MFSD2B: variants seen among roughly 807,000 people sequenced by gnomAD.
MFSD2B encodes sphingosine-1-phosphate transporter MFSD2B.
MFSD2B carries 56 observed loss-of-function variants against 58.4 expected under a neutral mutation model. That is an observed-to-expected ratio of 0.96 (90% CI 0.77 to 1.20). The LOEUF (loss-of-function observed/expected upper bound fraction) is 1.20, where lower values mean the gene tolerates loss of function less well. Among genes scored for constraint, MFSD2B ranks in the 50% most tolerant of loss-of-function variants. The pLI is 0.00. For missense variants in MFSD2B, 645 were observed against 667.6 expected, an observed-to-expected ratio of 0.97 and a Z score of 0.37; for synonymous variants, 287 against 294.4, an observed-to-expected ratio of 0.97 and a Z score of 0.26.
At chr2:24,010,293 T>A in intron 1 of MFSD2B, 101 bp downstream of exon 1, 3 of 994,390 alleles carry the variant, frequency 3.0e-6, no homozygotes, top group Non-Finnish European at 4.0e-6. Context: ...CCGGAGGGGC[T>A]CGGCCCAAAC....
intron 1 of MFSD2B, chr2:24,013,040 G>A (rs894199231): frequency 1.9e-5 from 7 of 361,644 alleles, no homozygotes; most frequent in African/African-American, 1.2e-4. Context: ...GCTTCAGCAG[G>A]AAGCCCAGGG....
chr2:24,016,905 C>A lies in MFSD2B; in HGVS notation c.408C>A (p.Pro136=), dbSNP rs765536592. 1.9e-6 allele frequency: 3 copies of A among 1,613,912 alleles called. No homozygotes were observed. The highest frequency in any genetic ancestry group is 1.1e-5 in the South Asian group (1 of 91,088). The change falls in exon 4 of 14, where the codon CCC becomes CCA. Residue 136 remains proline, a synonymous_variant. Transcript: ENST00000338315. ...ACTTCTTCCTGTGGTTCCTGCCCCCCTTCACCAGCCTGCGAGGCCTCTGGT... is the reference window on the plus strand; with the variant it reads ...ACTTCTTCCTGTGGTTCCTGCCCCCATTCACCAGCCTGCGAGGCCTCTGGT... ...LAYFFLWFLP[P]FTSLRGLWYT... is the part of the protein sequence containing the mutation.
rs1341037928 is a variant in MFSD2B at position 24,022,378 on chromosome 2, A to G, written c.895-55A>G. 1 of 1,439,802 alleles carries G rather than the reference A, an allele frequency of 6.9e-7. No homozygotes were observed. The highest frequency in any genetic ancestry group is 9.7e-7 in the Non-Finnish European group (1 of 1,034,610). The allele number at this position is 1,439,802 out of a possible 1,614,324, so 89.2% of individuals were successfully genotyped here. The stretch of plus-strand genomic sequence containing the variant: ...ACTCCAGACCCTGTCCTTGCCCTTG[A>G]CTTCTGAGCTCCTGCCATGCCCTGC... On this transcript the variant is annotated intron_variant, in intron 8 of 13. Coordinates refer to ENST00000338315, the MANE Select transcript of MFSD2B (RefSeq NM_001346880.2). The surrounding 1 kb of genome is among the most constrained non-coding windows in gnomAD (Gnocchi z 4.5).
In MFSD2B at chr2:24,021,480, G is replaced by A; in HGVS notation, c.682-168G>A. 1.6e-6 allele frequency: 1 copy of A among 619,206 alleles called. No individual in the cohort carries two copies. Among genetic ancestry groups the A allele is most frequent in the Admixed American group, 2.7e-5 (1 of 36,964 alleles). The allele number at this position is 619,206 out of a possible 1,614,324, so 38.4% of individuals were successfully genotyped here. On this transcript the variant is annotated intron_variant, in intron 6 of 13. Coordinates refer to ENST00000338315, the MANE Select transcript of MFSD2B (RefSeq NM_001346880.2). The surrounding 1 kb of genome is among the most constrained non-coding windows in gnomAD (Gnocchi z 5.7). The stretch of plus-strand genomic sequence containing the variant: ...GTGTGGAAGGACCAGCCCGGGCCCG[G>A]AGAGCATGCTGTCCTGTGGGGTGAT...
chr2:24,023,579 G>A lies in MFSD2B; in HGVS notation c.1170-4G>A, dbSNP rs773573828. On this transcript the variant is annotated splice_polypyrimidine_tract_variant and splice_region_variant and intron_variant, in intron 11 of 13. Coordinates refer to ENST00000338315, the MANE Select transcript of MFSD2B (RefSeq NM_001346880.2). The surrounding 1 kb of genome is among the most constrained non-coding windows in gnomAD (Gnocchi z 5.0). ...GGAGGGCTAACTCCACACCCCCGCC[G>A]CAGGTCCATGCTGCCAGACGTGGTG... is the stretch of plus-strand genomic sequence containing the variant. 161 of 1,612,998 alleles carry A rather than the reference G, an allele frequency of 1.0e-4. No individual in the cohort carries two copies. Among genetic ancestry groups the A allele is most frequent in the Middle Eastern group, 1.7e-4 (1 of 6,048 alleles).
Position 24,017,442 on chromosome 2 carries a change from G to A in MFSD2B, c.551-16G>A. 6.3e-7 allele frequency: 1 copy of A among 1,599,896 alleles called. No individual in the cohort carries two copies. The highest frequency in any genetic ancestry group is 1.1e-5 in the South Asian group (1 of 88,356). The stretch of plus-strand genomic sequence containing the variant: ...CCACTCCCTCTCAGTCACCTTAAGT[G>A]GCACTCTGTCTCCAGGGATGACTGT... On this transcript the variant is annotated splice_polypyrimidine_tract_variant and intron_variant, in intron 5 of 13. Transcript: ENST00000338315. This position sits in a 1 kb window ranked among gnomAD's most constrained non-coding sequence, Gnocchi z 4.8.
In MFSD2B at chr2:24,012,043, G is replaced by A. The variant is rs1394134332; in HGVS notation, c.97-1242G>A. 6.6e-6 allele frequency among the ~76,000 whole-genome samples: 1 copy of A among 152,054 alleles called. No individual in the cohort carries two copies. The highest frequency in any genetic ancestry group is 2.4e-5 in the African/African-American group (1 of 41,414). On this transcript the variant is annotated intron_variant, in intron 1 of 13. Transcript: ENST00000338315. The surrounding 1 kb of genome is among the most constrained non-coding windows in gnomAD (Gnocchi z 4.5). ...CTATTTGAGGTGAGGTGGGTAGGGGGCCGACTGGGTGGACTCCTTAGCCAT... is the reference window on the plus strand; with the variant it reads ...CTATTTGAGGTGAGGTGGGTAGGGGACCGACTGGGTGGACTCCTTAGCCAT...
chr2:24,022,585 G>A lies in MFSD2B; in HGVS notation c.978+69G>A. On this transcript the variant is annotated intron_variant, in intron 9 of 13. Coordinates refer to ENST00000338315, the MANE Select transcript of MFSD2B (RefSeq NM_001346880.2). The surrounding 1 kb of genome is among the most constrained non-coding windows in gnomAD (Gnocchi z 4.5). ...TGAGCTGGGGACATGTGTGGTCCTT[G>A]ATGTGACACATATGGCCAGAGTTCT... 1 of 1,286,546 alleles carries A rather than the reference G, an allele frequency of 7.8e-7. No homozygotes were observed. Among genetic ancestry groups the A allele is most frequent in the South Asian group, 1.3e-5 (1 of 77,284 alleles). 79.7% of individuals were successfully genotyped at this position (1,286,546 alleles called of 1,614,324 possible).
At chr2:24,018,464 C>T (rs1212612483) in intron 6 of MFSD2B, 4 of 182,458 alleles carry the variant, frequency 2.2e-5, no homozygotes, top group Non-Finnish European at 4.7e-5. Flanking sequence ...CCCCAAGATA[C>T]TCTTTGTGGG....
chr2:24,010,131 C>A lies in MFSD2B; in HGVS notation c.35C>A (p.Ser12Tyr). Residue 12 changes from serine (S) to tyrosine (Y), a missense_variant, in exon 1 of 14, where the codon TCC becomes TAC. Ser to Tyr is a moderately radical substitution (Grantham distance 144). Coordinates refer to ENST00000338315, the MANE Select transcript of MFSD2B (RefSeq NM_001346880.2). ...AAPPAPAAKG[S>Y]PQPEPHAPEP... Reference sequence around the variant, plus strand: ...CCCCCTGCACCAGCCGCCAAGGGGTCCCCGCAGCCGGAGCCGCACGCCCCA... The same window carrying A: ...CCCCCTGCACCAGCCGCCAAGGGGTACCCGCAGCCGGAGCCGCACGCCCCA... 6.8e-7 allele frequency: 1 copy of A among 1,462,556 alleles called. No homozygotes were observed. Among genetic ancestry groups the A allele is most frequent in the South Asian group, 1.3e-5 (1 of 74,934 alleles). 90.6% of individuals were successfully genotyped at this position (1,462,556 alleles called of 1,614,324 possible). A position where few individuals can be genotyped will look rare whatever the true frequency, so the allele number is the denominator to read the frequency against.
In MFSD2B at chr2:24,017,600, G is replaced by A; in HGVS notation, c.681+12G>A. 6.5e-7 allele frequency: 1 copy of A among 1,539,540 alleles called. No homozygotes were observed. The highest frequency in any genetic ancestry group is 8.8e-7 in the Non-Finnish European group (1 of 1,140,404). The stretch of plus-strand genomic sequence containing the variant: ...TCTCCCCGAATGCAGTAAGTGCACT[G>A]GGTGGCAAGGCCCCCCAACCTGGGG... On this transcript the variant is annotated intron_variant, in intron 6 of 13. Coordinates refer to ENST00000338315, the MANE Select transcript of MFSD2B (RefSeq NM_001346880.2). This position sits in a 1 kb window ranked among gnomAD's most constrained non-coding sequence, Gnocchi z 4.8.
intron 6 of MFSD2B, among the ~76,000 whole-genome samples, chr2:24,019,789 C>A (rs1472127717): frequency 2.0e-5 from 3 of 152,226 alleles, no homozygotes; most frequent in Non-Finnish European, 4.4e-5. Flanking sequence ...ACTGCCCCAG[C>A]CAGGGGATTG....
In MFSD2B at chr2:24,022,556, G is replaced by C; in HGVS notation, c.978+40G>C. ...GGTGGTGGAGGCTAGGTCACTTGGG[G>C]CCCTGAGCTGGGGACATGTGTGGTC... On this transcript the variant is annotated intron_variant, in intron 9 of 13. Coordinates refer to ENST00000338315, the MANE Select transcript of MFSD2B (RefSeq NM_001346880.2). The surrounding 1 kb of genome is among the most constrained non-coding windows in gnomAD (Gnocchi z 4.5). 1 of 1,513,852 alleles carries C rather than the reference G, an allele frequency of 6.6e-7. No homozygotes were observed. Among genetic ancestry groups the C allele is most frequent in the Non-Finnish European group, 9.1e-7 (1 of 1,104,178 alleles). 93.8% of individuals were successfully genotyped at this position (1,513,852 alleles called of 1,614,324 possible).
rs754290263 is a variant in MFSD2B at position 24,021,767 on chromosome 2, A to C, written c.772+29A>C. 6.8e-6 allele frequency: 11 copies of C among 1,612,908 alleles called. No individual in the cohort carries two copies. The South Asian group carries it at 1.2e-4, about 18-fold the overall frequency. Reference sequence around the variant, plus strand: ...TGGGGTTTGGTGAGGAGGGAAGCAGAAGCTGGGGGCAGGGCTCTGCTTGGG... The same window carrying C: ...TGGGGTTTGGTGAGGAGGGAAGCAGCAGCTGGGGGCAGGGCTCTGCTTGGG... On this transcript the variant is annotated intron_variant, in intron 7 of 13. Coordinates refer to ENST00000338315, the MANE Select transcript of MFSD2B (RefSeq NM_001346880.2). This position sits in a 1 kb window ranked among gnomAD's most constrained non-coding sequence, Gnocchi z 5.7.
At position 24,025,594 on chromosome 2, in the gene MFSD2B, G is replaced by A. The variant is rs971417528; in HGVS notation, c.*138G>A. On this transcript the variant is annotated 3_prime_UTR_variant, in exon 14 of 14. Transcript: ENST00000338315. ...CCTGGGATGTGGAGTCTTCGGCAAC[G>A]TGTCCTGAAGGGACTGGCCCGCACT... 1.4e-5 allele frequency: 11 copies of A among 774,204 alleles called. No individual in the cohort carries two copies. Among genetic ancestry groups the A allele is most frequent in the East Asian group, 2.7e-5 (1 of 37,106 alleles). The allele number at this position is 774,204 out of a possible 1,614,324, so 48.0% of individuals were successfully genotyped here.
At position 24,017,259 on chromosome 2, in the gene MFSD2B, C is replaced by T. The variant is rs745768486; in HGVS notation, c.472-27C>T. The T allele has an allele frequency of 1.3e-5, 20 of 1,567,436 alleles. No homozygotes were observed. Among genetic ancestry groups the T allele is most frequent in the Admixed American group, 5.6e-5 (3 of 53,540 alleles). ...CGCTGTCACCAGGCAAAGCTGGGGGCGGTTCTAAGCTCTGCCGACGCCCCA... is the reference window on the plus strand; with the variant it reads ...CGCTGTCACCAGGCAAAGCTGGGGGTGGTTCTAAGCTCTGCCGACGCCCCA... On this transcript the variant is annotated intron_variant, in intron 4 of 13. Transcript: ENST00000338315. The surrounding 1 kb of genome is among the most constrained non-coding windows in gnomAD (Gnocchi z 4.8).
At chr2:24,019,419 C>T (rs997616395) in intron 6 of MFSD2B, among the ~76,000 whole-genome samples, 1 of 152,046 alleles carries the variant, frequency 6.6e-6, no homozygotes, top group Non-Finnish European at 1.5e-5. Context: ...TGTGGCCCAC[C>T]ACCCATTCAA....
chr2:24,022,459 C>A lies in MFSD2B; in HGVS notation c.921C>A (p.Phe307Leu), dbSNP rs970384931. ...VQVEQSYLVLFCTHASQLHDH... is the reference protein window; with the variant it reads ...VQVEQSYLVLLCTHASQLHDH... ...TGGAGCAGAGCTACCTGGTCCTGTT[C>A]TGTACACATGCCTCCCAGCTACACG... Residue 307 changes from phenylalanine (F) to leucine (L), a missense_variant, in exon 9 of 14, where the codon TTC becomes TTA. Physicochemically the swap from Phe to Leu is conservative, Grantham distance 22 (BLOSUM62 0). Coordinates refer to ENST00000338315, the MANE Select transcript of MFSD2B (RefSeq NM_001346880.2). The surrounding 1 kb of genome is among the most constrained non-coding windows in gnomAD (Gnocchi z 4.5). 6.2e-7 allele frequency: 1 copy of A among 1,613,292 alleles called. No individual in the cohort carries two copies. The highest frequency in any genetic ancestry group is 8.5e-7 in the Non-Finnish European group (1 of 1,179,708).
In MFSD2B at chr2:24,023,555, G is replaced by A. The variant is rs937104197; in HGVS notation, c.1170-28G>A. 5.0e-6 allele frequency: 8 copies of A among 1,605,782 alleles called. No individual in the cohort carries two copies. Among genetic ancestry groups the A allele is most frequent in the African/African-American group, 1.3e-5 (1 of 74,774 alleles). On this transcript the variant is annotated intron_variant, in intron 11 of 13. Transcript: ENST00000338315. This position sits in a 1 kb window ranked among gnomAD's most constrained non-coding sequence, Gnocchi z 5.0. ...AGGCTGCTGGTGGCCAAGGGGCTAG[G>A]AGGGCTAACTCCACACCCCCGCCGC...
Sources: gnomAD v4.1 joint callset for allele counts (sites outside exome capture counted in the v4.1 genomes callset) on GRCh38, gnomAD v4.1.1 for gene constraint, Gnocchi (gnomAD v3.1) non-coding constraint, MANE v1.5 for transcripts, NCBI Gene and HGNC (gene_info 2026-07-23, HGNC 2026-07-21) for gene names.